GRID2: variants seen among roughly 807,000 people sequenced by gnomAD.
The protein encoded by GRID2 is glutamate receptor ionotropic, delta-2.
A neutral mutation model predicts 114.8 loss-of-function variants in GRID2; 33 were observed. That is an observed-to-expected ratio of 0.29 (90% CI 0.22 to 0.38). The LOEUF (loss-of-function observed/expected upper bound fraction) is 0.38. Among genes scored for constraint, GRID2 ranks in the 10% least tolerant of loss-of-function variants. The pLI is 1.00. For missense variants in GRID2, 1,184 were observed against 1,257.7 expected, an observed-to-expected ratio of 0.94 and a Z score of 0.89; for synonymous variants, 505 against 449.9, an observed-to-expected ratio of 1.12 and a Z score of -1.55.
At chr4:92,785,559 C>T (rs1427600348) in intron 2 of GRID2, among the ~76,000 whole-genome samples, 2 of 151,600 alleles carry the variant, frequency 1.3e-5, no homozygotes, top group Non-Finnish European at 3.0e-5. Context: ...TCTTTAAAAA[C>T]AGGCTATATT....
At chr4:93,512,461 G>A (rs996224248) in intron 12 of GRID2, among the ~76,000 whole-genome samples, 4 of 152,042 alleles carry the variant, frequency 2.6e-5, no homozygotes, top group Non-Finnish European at 5.9e-5. Flanking sequence ...TTGGTAATAA[G>A]CTATTTGTGT....
At chr4:92,952,043 C>G (rs1356096388) in intron 2 of GRID2, among the ~76,000 whole-genome samples, 1 of 151,996 alleles carries the variant, frequency 6.6e-6, no homozygotes, top group Non-Finnish European at 1.5e-5. Flanking sequence ...CACATATGTG[C>G]AAGTATAAGA....
intron 1 of GRID2, among the ~76,000 whole-genome samples, chr4:92,383,686 T>C (rs1017244733): frequency 6.6e-6 from 1 of 152,036 alleles, no homozygotes; most frequent in Non-Finnish European, 1.5e-5. Context: ...CTTCCTCTTC[T>C]TTCTTTTCCT....
rs186290913 is a variant in GRID2, at chr4:92,540,448, A to G, written c.89-49683A>G. Among the ~76,000 whole-genome samples, 23 of 152,338 alleles carry G rather than the reference A, an allele frequency of 1.5e-4. No homozygotes were observed. The East Asian group carries it at 2.1e-3, about 14-fold the overall frequency. On this transcript the variant is annotated intron_variant, in intron 1 of 15. Transcript: ENST00000282020. ...CTACATAGAACTCAAACAAATTTAC[A>G]AGAAAAAAACAACCCCATCAAAAAG...
chr4:92,586,025 T>G (rs1234600063), intron 1 of GRID2, among the ~76,000 whole-genome samples: 3 of 138,312 alleles, frequency 2.2e-5, no homozygotes, highest in Non-Finnish European at 4.7e-5. Flanking sequence ...TTTATAAGAT[T>G]ATACCTAATT....
intron 1 of GRID2, among the ~76,000 whole-genome samples, chr4:92,332,476 C>T (rs990111363): frequency 1.3e-5 from 2 of 152,080 alleles, no homozygotes; most frequent in Admixed American, 6.5e-5. Context: ...CAAACCACGG[C>T]GTTCCACCCC....
intron 2 of GRID2, among the ~76,000 whole-genome samples, chr4:92,740,742 GGATAGATA>G (rs1164814479): frequency 9.0e-6 from 1 of 111,492 alleles, no homozygotes; most frequent in Non-Finnish European, 1.9e-5. Context: ...ATAGATAGAT[GGATAGATA>G]GATAGACAGA....
chr4:93,448,681 A>G (rs183781725), intron 10 of GRID2, among the ~76,000 whole-genome samples: 56 of 152,216 alleles, frequency 3.7e-4, no homozygotes, highest in African/African-American at 1.3e-3. Flanking sequence ...CAACTGTAGA[A>G]AAGAGAAAAA....
intron 8 of GRID2, among the ~76,000 whole-genome samples, chr4:93,288,014 C>T: frequency 6.6e-6 from 1 of 152,180 alleles, no homozygotes; most frequent in East Asian, 1.9e-4. Context: ...GAAATAGAGA[C>T]ATCTAACCCT....
intron 4 of GRID2, among the ~76,000 whole-genome samples, chr4:93,202,619 G>A (rs1560980165): frequency 1.3e-5 from 2 of 152,132 alleles, no homozygotes. Flanking sequence ...CCACTAGTGT[G>A]ATAGAGCATT....
intron 8 of GRID2, among the ~76,000 whole-genome samples, chr4:93,297,604 T>A (rs1754451221): frequency 6.6e-6 from 1 of 152,168 alleles, no homozygotes; most frequent in Non-Finnish European, 1.5e-5. Flanking sequence ...AGTAATTATT[T>A]TATCTATCTA....
chr4:93,206,264 A>G (rs1000922749), intron 4 of GRID2, among the ~76,000 whole-genome samples: 4 of 152,000 alleles, frequency 2.6e-5, no homozygotes, highest in African/African-American at 9.7e-5. Flanking sequence ...ACGTACTTTG[A>G]AAAAACATTG....
At chr4:92,879,890 T>C (rs1181523832) in intron 2 of GRID2, among the ~76,000 whole-genome samples, 1 of 152,218 alleles carries the variant, frequency 6.6e-6, no homozygotes, top group Non-Finnish European at 1.5e-5. Context: ...TTGAATCTCA[T>C]AGTGCTCCGA....
intron 2 of GRID2, among the ~76,000 whole-genome samples, chr4:92,973,566 C>G (rs1753657827): frequency 1.3e-5 from 2 of 152,004 alleles, no homozygotes; most frequent in Non-Finnish European, 2.9e-5. Flanking sequence ...AGTTTATATG[C>G]CAGTGAATTA....
At position 92,523,907 on chromosome 4, in the gene GRID2, G is replaced by C. The variant is rs184479738; in HGVS notation, c.89-66224G>C. ...GAGAGAATTACATTATCCTCTAAGA[G>C]TATCATGTCTCCCTCATTACTGGGA... is the stretch of plus-strand genomic sequence containing the variant. On this transcript the variant is annotated intron_variant, in intron 1 of 15. Coordinates refer to ENST00000282020, the MANE Select transcript of GRID2 (RefSeq NM_001510.4). Among the ~76,000 whole-genome samples, 12 of 152,116 alleles carry C rather than the reference G, an allele frequency of 7.9e-5. No homozygotes were observed. The East Asian group carries it at 2.3e-3, about 30-fold the overall frequency.
chr4:93,544,471 C>A (rs1262169421), intron 13 of GRID2, among the ~76,000 whole-genome samples: 1 of 151,980 alleles, frequency 6.6e-6, no homozygotes, highest in Non-Finnish European at 1.5e-5. Context: ...ATAAATACTA[C>A]CTTCATTTTA....
At chr4:92,544,710 T>C (rs1726152843) in intron 1 of GRID2, among the ~76,000 whole-genome samples, 1 of 152,058 alleles carries the variant, frequency 6.6e-6, no homozygotes, top group Admixed American at 6.6e-5. Context: ...GACATTTCAG[T>C]TTTTTAATTT....
intron 14 of GRID2, among the ~76,000 whole-genome samples, chr4:93,737,711 T>A (rs962905644): frequency 1.3e-5 from 2 of 152,136 alleles, no homozygotes; most frequent in African/African-American, 4.8e-5. Context: ...AGATTCCATC[T>A]CTCAAGAAAA....
At chr4:93,653,056 T>C (rs750833020) in intron 14 of GRID2, among the ~76,000 whole-genome samples, 64 of 152,152 alleles carry the variant, frequency 4.2e-4, no homozygotes, top group Admixed American at 1.6e-3. Flanking sequence ...TCACTCTGGC[T>C]GCAGTGTTGA....
Sources: allele counts gnomAD v4.1 joint callset (sites outside exome capture counted in the v4.1 genomes callset), GRCh38; gene constraint gnomAD v4.1.1; transcripts MANE v1.5; gene names NCBI Gene and HGNC (gene_info 2026-07-23, HGNC 2026-07-21).